C2CD3: variants seen among roughly 807,000 people sequenced by gnomAD.
C2CD3 encodes the protein C2 domain-containing protein 3.
A neutral mutation model predicts 234.0 loss-of-function variants in C2CD3; 148 were observed. That is an observed-to-expected ratio of 0.63 (90% CI 0.55 to 0.72). The LOEUF (loss-of-function observed/expected upper bound fraction) is 0.72. Ranked by LOEUF, C2CD3 falls within the 30% of genes least tolerant of loss-of-function variation. C2CD3 has a pLI of 0.00. For synonymous variants in C2CD3, 1,000 were observed against 1,035.4 expected (o/e 0.97, Z 0.66); for missense variants, 2,577 against 2,811.5 (o/e 0.92, Z 1.89).
At chr11:74,063,892 T>A (rs1398178787) in intron 24 of C2CD3, among the ~76,000 whole-genome samples, 1 of 151,956 alleles carries the variant, frequency 6.6e-6, no homozygotes, top group Non-Finnish European at 1.5e-5. Flanking sequence ...CCAAAATCTC[T>A]CTTTTTTAAA....
chr11:74,044,240 A>G (rs570948153), intron 28 of C2CD3, among the ~76,000 whole-genome samples: 1 of 152,030 alleles, frequency 6.6e-6, no homozygotes, highest in Non-Finnish European at 1.5e-5. Context: ...GGTGGATCAC[A>G]AGGTCAAGAG....
rs750808366 is a variant in C2CD3, at chr11:74,103,542, A to G, written c.2169T>C (p.Leu723=). Residue 723 remains leucine, a synonymous_variant, in exon 14 of 33, where the codon CTT becomes CTC. Transcript: ENST00000334126. Reference sequence around the variant, plus strand: ...CCTTATTTGGACTTGTAGGAGCACAAAGTGGGGTATAATGGGTGTTGCCAC... The same window carrying G: ...CCTTATTTGGACTTGTAGGAGCACAGAGTGGGGTATAATGGGTGTTGCCAC... The part of the protein sequence containing the change: ...KLSGNTHYTP[L]CAPTSPNKAL... 2.5e-6 allele frequency: 4 copies of G among 1,614,052 alleles called. No homozygotes were observed. Among genetic ancestry groups the G allele is most frequent in the South Asian group, 2.2e-5 (2 of 91,078 alleles).
chr11:74,074,773 C>T lies in C2CD3; in HGVS notation c.4604-173G>A, dbSNP rs77018847. Among the ~76,000 whole-genome samples, 779 of 152,250 alleles carry T rather than the reference C, an allele frequency of 5.1e-3. 1 individual carries two copies. Among genetic ancestry groups the T allele is most frequent in the Middle Eastern group, 0.014 (4 of 294 alleles). The stretch of plus-strand genomic sequence containing the variant: ...TGGTAGAAAACATGAAAACTTTTAC[C>T]CTGCCCTAACTATCTTCAATAATGA... On this transcript the variant is annotated intron_variant, in intron 23 of 32. Transcript: ENST00000334126.
chr11:74,135,299 A>G (rs1957822703), intron 5 of C2CD3, among the ~76,000 whole-genome samples: 1 of 148,426 alleles, frequency 6.7e-6, no homozygotes, highest in African/African-American at 2.5e-5. Context: ...ACAAGGTCTT[A>G]CTCTGTTACC....
chr11:74,133,087 C>T, intron 6 of C2CD3, 115 bp from the exon 7 acceptor site: 1 of 917,318 alleles, frequency 1.1e-6, no homozygotes, highest in Non-Finnish European at 1.7e-6. Context: ...ATACTTTAGA[C>T]TTAACTGCCT....
At chr11:74,159,632 ATTG>A (rs1385517543) in intron 3 of C2CD3, among the ~76,000 whole-genome samples, 2 of 147,974 alleles carry the variant, frequency 1.4e-5, no homozygotes, top group Non-Finnish European at 2.9e-5. Context: ...TTGTGTTTTA[ATTG>A]TTATTACAAA....
intron 3 of C2CD3, among the ~76,000 whole-genome samples, chr11:74,155,370 T>C (rs1047496057): frequency 6.6e-6 from 1 of 152,122 alleles, no homozygotes; most frequent in Admixed American, 6.6e-5. Flanking sequence ...AAAAATAGAG[T>C]TACCATATGG....
intron 24 of C2CD3, among the ~76,000 whole-genome samples, chr11:74,068,691 T>C (rs969864936): frequency 4.6e-5 from 7 of 152,172 alleles, no homozygotes; most frequent in African/African-American, 1.7e-4. Flanking sequence ...GGTTTTCTCA[T>C]CAGAAATAAG....
intron 13 of C2CD3, among the ~76,000 whole-genome samples, chr11:74,104,278 T>A (rs1383724372): frequency 6.6e-6 from 1 of 152,156 alleles, no homozygotes; most frequent in Non-Finnish European, 1.5e-5. Context: ...CAATAGATAA[T>A]CCTGGACTAG....
intron 22 of C2CD3, among the ~76,000 whole-genome samples, chr11:74,080,729 C>G (rs529029901): frequency 2.0e-5 from 3 of 152,254 alleles, no homozygotes; most frequent in South Asian, 4.2e-4. Flanking sequence ...GGTGCTTGTT[C>G]TCTCACAAAC....
chr11:74,033,306 T>C, intron 31 of C2CD3, 45 bp downstream of exon 31: 1 of 1,500,300 alleles, frequency 6.7e-7, no homozygotes, highest in Non-Finnish European at 8.9e-7. Context: ...TAGGCTAGTC[T>C]AAGTACCTGC....
intron 11 of C2CD3, among the ~76,000 whole-genome samples, chr11:74,111,036 C>T (rs1044541125): frequency 1.3e-5 from 2 of 152,140 alleles, no homozygotes; most frequent in Non-Finnish European, 2.9e-5. Context: ...TGGCCAACAA[C>T]AACAATAATG....
chr11:74,042,511 G>C (rs771903365), intron 28 of C2CD3, among the ~76,000 whole-genome samples: 25 of 152,032 alleles, frequency 1.6e-4, no homozygotes, highest in Non-Finnish European at 3.2e-4. Context: ...CCAGCACTTT[G>C]GGGGGCTGAG....
intron 23 of C2CD3, among the ~76,000 whole-genome samples, chr11:74,076,025 CCTATACTTAGA>C (rs1418110285): frequency 6.6e-6 from 1 of 152,208 alleles, no homozygotes; most frequent in African/African-American, 2.4e-5. Context: ...TGCTTGAGTT[CCTATACTTAGA>C]TCTATATTCA....
At chr11:74,017,504 C>T (rs941568572) in intron 32 of C2CD3, among the ~76,000 whole-genome samples, 5 of 152,126 alleles carry the variant, frequency 3.3e-5, no homozygotes, top group Admixed American at 2.6e-4. Flanking sequence ...AAATGGAGCA[C>T]GTGGAAGGTG....
chr11:74,149,956 G>A (rs193094332), intron 3 of C2CD3, among the ~76,000 whole-genome samples: 12 of 152,154 alleles, frequency 7.9e-5, no homozygotes, highest in African/African-American at 2.6e-4. Context: ...TTATTGAATT[G>A]TCTTCTGGAC....
intron 11 of C2CD3, among the ~76,000 whole-genome samples, chr11:74,112,811 G>A (rs1225483423): frequency 6.6e-6 from 1 of 152,202 alleles, no homozygotes; most frequent in Non-Finnish European, 1.5e-5. Context: ...GTGTTGACGA[G>A]GATGTAGACA....
chr11:74,067,288 C>G (rs550479497), intron 24 of C2CD3, among the ~76,000 whole-genome samples: 1 of 151,642 alleles, frequency 6.6e-6, no homozygotes, highest in East Asian at 1.9e-4. Context: ...GATCTAGTGG[C>G]GTCCACAAAG....
intron 25 of C2CD3, among the ~76,000 whole-genome samples, chr11:74,056,817 G>C (rs1321887609): frequency 6.6e-6 from 1 of 151,972 alleles, no homozygotes; most frequent in Non-Finnish European, 1.5e-5. Context: ...TATTTATGAA[G>C]CCTTCCCTGA....
Sources: gnomAD v4.1 joint callset for allele counts (sites outside exome capture counted in the v4.1 genomes callset) on GRCh38, gnomAD v4.1.1 for gene constraint, MANE v1.5 for transcripts, NCBI Gene and HGNC (gene_info 2026-07-23, HGNC 2026-07-21) for gene names.